Variants in TCF7L1 observed in about 807,000 individuals in gnomAD.
TCF7L1 encodes the protein transcription factor 7 like 1.
In TCF7L1, 18 loss-of-function variants were observed where a neutral mutation model predicts 63.7. The observed-to-expected ratio is 0.28, with a 90% CI of 0.20 to 0.42. TCF7L1 has a LOEUF of 0.42. Among genes scored for constraint, TCF7L1 ranks in the 10% least tolerant of loss-of-function variants. The pLI, the probability that TCF7L1 is intolerant of heterozygous loss-of-function variation, is 1.00. For synonymous variants in TCF7L1, 355 were observed against 340.9 expected (o/e 1.04, Z -0.46); for missense variants, 654 against 779.3 (o/e 0.84, Z 1.91).
rs1680244000 is a variant in TCF7L1, at chr2:85,238,424, T to G, written c.442-45071T>G. 2.0e-5 allele frequency among the ~76,000 whole-genome samples: 3 copies of G among 152,076 alleles called. No individual in the cohort carries two copies. The South Asian group carries it at 6.2e-4, about 32-fold the overall frequency. Reference sequence around the variant, plus strand: ...TATCTGCAAGGAAGATGACTACTCTTTTGGGGGGATTCAGAGCAGCATCTT... The same window carrying G: ...TATCTGCAAGGAAGATGACTACTCTGTTGGGGGGATTCAGAGCAGCATCTT... On this transcript the variant is annotated intron_variant, in intron 3 of 11. Transcript: ENST00000282111.
chr2:85,302,379 A>G (rs1682002139), intron 4 of TCF7L1, 105 bp from the exon 5 acceptor site: 1 of 1,491,878 alleles, frequency 6.7e-7, no homozygotes, highest in Non-Finnish European at 9.3e-7. Flanking sequence ...ACTGAATGGG[A>G]TGTTGCCTGG....
chr2:85,263,611 A>C (rs1421645913), intron 3 of TCF7L1, among the ~76,000 whole-genome samples: 3 of 152,218 alleles, frequency 2.0e-5, no homozygotes, highest in African/African-American at 7.2e-5. Flanking sequence ...GTTCCCTTTC[A>C]CTTTCAAAGG....
intron 3 of TCF7L1, among the ~76,000 whole-genome samples, chr2:85,139,253 T>C (rs1016150889): frequency 6.6e-6 from 1 of 152,166 alleles, no homozygotes; most frequent in Non-Finnish European, 1.5e-5. Context: ...GTGATCCACC[T>C]GTCTCGGCCT....
chr2:85,300,905 G>A (rs77403393), intron 4 of TCF7L1, among the ~76,000 whole-genome samples: 1 of 151,518 alleles, frequency 6.6e-6, no homozygotes, highest in Non-Finnish European at 1.5e-5. Context: ...TCAGCCTCCT[G>A]GGTAGCTGGG....
intron 11 of TCF7L1, 109 bp downstream of exon 11, chr2:85,307,826 C>T (rs189040639): frequency 4.4e-5 from 45 of 1,016,376 alleles, no homozygotes; most frequent in East Asian, 2.0e-4. Context: ...CCTCGGTATT[C>T]GCGGGCGGGT....
intron 3 of TCF7L1, among the ~76,000 whole-genome samples, chr2:85,248,727 G>A (rs927960359): frequency 5.3e-5 from 8 of 152,176 alleles, no homozygotes; most frequent in African/African-American, 1.9e-4. Context: ...CATGAACATA[G>A]CTGATCCACC....
At chr2:85,156,404 A>G (rs1477897899) in intron 3 of TCF7L1, among the ~76,000 whole-genome samples, 1 of 151,932 alleles carries the variant, frequency 6.6e-6, no homozygotes, top group Non-Finnish European at 1.5e-5. Flanking sequence ...CAGGGTGCTC[A>G]AGGCGAGTGT....
chr2:85,157,601 G>A (rs1042607710), intron 3 of TCF7L1, among the ~76,000 whole-genome samples: 1 of 152,258 alleles, frequency 6.6e-6, no homozygotes, highest in Non-Finnish European at 1.5e-5. Context: ...TGAAGATGCT[G>A]AACTGGGGAC....
At chr2:85,235,618 C>T (rs894027235) in intron 3 of TCF7L1, among the ~76,000 whole-genome samples, 8 of 152,042 alleles carry the variant, frequency 5.3e-5, no homozygotes, top group Non-Finnish European at 7.4e-5. Flanking sequence ...GAAGAGGCAG[C>T]CAATGTGTTA....
intron 3 of TCF7L1, among the ~76,000 whole-genome samples, chr2:85,173,791 C>T (rs1678609104): frequency 6.6e-6 from 1 of 151,822 alleles, no homozygotes; most frequent in Non-Finnish European, 1.5e-5. Context: ...GGCTGGAGTG[C>T]AATGGCGCGA....
intron 3 of TCF7L1, among the ~76,000 whole-genome samples, chr2:85,234,523 C>A (rs552091739): frequency 6.6e-6 from 1 of 152,084 alleles, no homozygotes; most frequent in South Asian, 2.1e-4. Context: ...GAAGGAATGC[C>A]CCCATTCTTT....
chr2:85,179,946 G>A (rs1410689019), intron 3 of TCF7L1, among the ~76,000 whole-genome samples: 2 of 152,148 alleles, frequency 1.3e-5, no homozygotes, highest in African/African-American at 2.4e-5. Context: ...GTGCCTTTCT[G>A]TAGCTGTAGA....
At chr2:85,237,416 C>T (rs559983434) in intron 3 of TCF7L1, among the ~76,000 whole-genome samples, 37 of 152,176 alleles carry the variant, frequency 2.4e-4, no homozygotes, top group Admixed American at 8.5e-4. Context: ...CTCAGCCTGT[C>T]GCTTGCTGTC....
At position 85,304,248 on chromosome 2, in the gene TCF7L1, C is replaced by A. The variant is rs758733251; in HGVS notation, c.762-7C>A. ...AATATGCTGACCAGATTTCCTCCCC[C>A]TCACAGGCAAGGCCAGCCCATGTAC... On this transcript the variant is annotated splice_polypyrimidine_tract_variant and splice_region_variant and intron_variant, in intron 6 of 11. Transcript: ENST00000282111. The A allele has an allele frequency of 1.2e-5, 19 of 1,612,094 alleles. No homozygotes were observed. The highest frequency in any genetic ancestry group is 5.0e-5 in the Admixed American group (3 of 59,826).
At chr2:85,144,417 C>CAAAAAAAA (rs55964315) in intron 3 of TCF7L1, among the ~76,000 whole-genome samples, 7 of 95,046 alleles carry the variant, frequency 7.4e-5, no homozygotes, top group South Asian at 3.4e-4. Context: ...CCTGTCTCTA[C>CAAAAAAAA]AAAAAAAAAA....
intron 3 of TCF7L1, among the ~76,000 whole-genome samples, chr2:85,149,509 C>G (rs1558616746): frequency 6.6e-6 from 1 of 151,956 alleles, no homozygotes; most frequent in African/African-American, 2.4e-5. Flanking sequence ...TGTACTTTCC[C>G]CTAAATTTGC....
intron 3 of TCF7L1, among the ~76,000 whole-genome samples, chr2:85,197,268 A>G (rs550959668): frequency 7.2e-5 from 11 of 152,314 alleles, no homozygotes; most frequent in African/African-American, 2.4e-4. Context: ...AAAATTAGCC[A>G]GGTGCGGTGG....
intron 3 of TCF7L1, among the ~76,000 whole-genome samples, chr2:85,263,043 C>T (rs185857613): frequency 3.9e-5 from 6 of 152,330 alleles, no homozygotes; most frequent in East Asian, 1.9e-4. Flanking sequence ...GGGAAAGCTG[C>T]GGTCCCTCAG....
At chr2:85,161,426 G>A (rs1315701419) in intron 3 of TCF7L1, among the ~76,000 whole-genome samples, 3 of 152,224 alleles carry the variant, frequency 2.0e-5, no homozygotes, top group Admixed American at 6.5e-5. Context: ...GCTGGGCTCT[G>A]AGCTGTGAGC....
Sources: allele counts gnomAD v4.1 joint callset (sites outside exome capture counted in the v4.1 genomes callset), GRCh38; gene constraint gnomAD v4.1.1; transcripts MANE v1.5; gene names NCBI Gene and HGNC (gene_info 2026-07-23, HGNC 2026-07-21).